Variants in RBM47 observed in about 807,000 individuals in gnomAD.
RBM47 encodes RNA-binding protein 47.
In RBM47, 21 loss-of-function variants were observed where a neutral mutation model predicts 47.1. The ratio of observed to expected loss-of-function variants is 0.45; its 90% CI spans 0.32 to 0.64. The LOEUF is 0.64. Ranked by LOEUF, RBM47 falls within the 30% of genes least tolerant of loss-of-function variation. The pLI is 0.05. For synonymous variants in RBM47, 375 were observed against 361.7 expected (o/e 1.04, Z -0.42); for missense variants, 708 against 870.9 (o/e 0.81, Z 2.35).
intron 2 of RBM47, among the ~76,000 whole-genome samples, chr4:40,474,967 G>C (rs1719400736): frequency 6.6e-6 from 1 of 152,128 alleles, no homozygotes; most frequent in African/African-American, 2.4e-5. Flanking sequence ...TCCACTGCCA[G>C]ACAGAAATGA....
chr4:40,457,981 T>C (rs759428430), intron 3 of RBM47, among the ~76,000 whole-genome samples: 11 of 151,890 alleles, frequency 7.2e-5, no homozygotes, highest in Admixed American at 4.6e-4. Context: ...TAAAACAAAA[T>C]AAAACAAAAT....
At chr4:40,564,050 T>C (rs1273516695) in intron 1 of RBM47, among the ~76,000 whole-genome samples, 1 of 152,142 alleles carries the variant, frequency 6.6e-6, no homozygotes, top group Non-Finnish European at 1.5e-5. Flanking sequence ...TCTCTATTCA[T>C]ATAATGTAAA....
chr4:40,484,986 AT>A (rs1165924531), intron 2 of RBM47, among the ~76,000 whole-genome samples: 3 of 151,378 alleles, frequency 2.0e-5, no homozygotes, highest in African/African-American at 7.4e-5. Context: ...AAAGTTTAAG[AT>A]TGTCTCTTTT....
At chr4:40,504,491 C>T (rs1284993028) in intron 2 of RBM47, among the ~76,000 whole-genome samples, 3 of 152,060 alleles carry the variant, frequency 2.0e-5, no homozygotes, top group Non-Finnish European at 4.4e-5. Context: ...CGGGGTTTCA[C>T]CATGCTGGCC....
intron 1 of RBM47, among the ~76,000 whole-genome samples, chr4:40,545,048 CTTT>C (rs532170715): frequency 0.19 from 21,395 of 113,636 alleles, 2,088 homozygotes; most frequent in East Asian, 0.29. Context: ...GAGTGAGATC[CTTT>C]TTTTTTTTTT....
At chr4:40,588,813 A>AG (rs926066668) in intron 1 of RBM47, among the ~76,000 whole-genome samples, 1 of 152,020 alleles carries the variant, frequency 6.6e-6, no homozygotes, top group Non-Finnish European at 1.5e-5. Flanking sequence ...AGGAGCAACA[A>AG]GGAGAGACAT....
chr4:40,509,029 C>G (rs546674740), intron 2 of RBM47, among the ~76,000 whole-genome samples: 1 of 151,862 alleles, frequency 6.6e-6, no homozygotes, highest in Non-Finnish European at 1.5e-5. Flanking sequence ...GGTGTGGTGG[C>G]GCGTGCCTGT....
In RBM47 at chr4:40,424,952, C is replaced by A. The variant is rs888844465; in HGVS notation, c.*952G>T. ...TTACTCTGCTACTGAAAATAGCACA[C>A]GTAGAAGACAATACTTCCCCAACCA... On this transcript the variant is annotated 3_prime_UTR_variant, in exon 7 of 7. Transcript: ENST00000295971. The A allele has an allele frequency of 6.6e-6, 1 of 150,732 alleles. No homozygotes were observed. The highest frequency in any genetic ancestry group is 1.5e-5 in the Non-Finnish European group (1 of 67,878). 9.3% of individuals were successfully genotyped at this position (150,732 alleles called of 1,614,324 possible).
At chr4:40,516,940 C>A (rs1220380900) in intron 2 of RBM47, among the ~76,000 whole-genome samples, 3 of 152,164 alleles carry the variant, frequency 2.0e-5, no homozygotes, top group Non-Finnish European at 4.4e-5. Flanking sequence ...TTGTCCCTTG[C>A]GTGCCCTTCT....
intron 2 of RBM47, chr4:40,475,573 G>A (rs927797880): frequency 1.3e-5 from 2 of 152,080 alleles, no homozygotes; most frequent in African/African-American, 2.4e-5. Flanking sequence ...TTTTGGGGGG[G>A]TCTTCAATTA....
Position 40,438,404 on chromosome 4 carries a change from G to A in RBM47, c.490C>T (p.Arg164Cys). 6.2e-7 allele frequency: 1 copy of A among 1,613,078 alleles called. No homozygotes were observed. Among genetic ancestry groups the A allele is most frequent in the Non-Finnish European group, 8.5e-7 (1 of 1,179,966 alleles). ...GCAATCTCCTCCAGGATTTCCTCGC[G>A]CTTCTTCATCTTGGGGATCCCGCCG... ...FIGGIPKMKK[R>C]EEILEEIAKV... The change falls in exon 4 of 7, where the codon CGC (arginine) becomes TGC (cysteine). Residue 164 changes from arginine (R) to cysteine (C), a missense_variant. Transcript: ENST00000295971.
At chr4:40,593,161 ATTT>A (rs35067384) in intron 1 of RBM47, among the ~76,000 whole-genome samples, 3 of 142,898 alleles carry the variant, frequency 2.1e-5, no homozygotes, top group Non-Finnish European at 4.6e-5. Flanking sequence ...CGCCAGGCTA[ATTT>A]TTTTTTTGTA....
chr4:40,470,764 G>A (rs1718736766), intron 2 of RBM47, among the ~76,000 whole-genome samples: 1 of 151,870 alleles, frequency 6.6e-6, no homozygotes, highest in South Asian at 2.1e-4. Flanking sequence ...TTTTTAAGAG[G>A]CAGAGTCTCG....
intron 1 of RBM47, among the ~76,000 whole-genome samples, chr4:40,550,094 A>G (rs1729421312): frequency 6.6e-6 from 1 of 152,180 alleles, no homozygotes; most frequent in Non-Finnish European, 1.5e-5. Flanking sequence ...CACAGCCACA[A>G]AGGGTCAAAC....
At chr4:40,540,222 T>C (rs775326382) in intron 2 of RBM47, among the ~76,000 whole-genome samples, 2 of 152,156 alleles carry the variant, frequency 1.3e-5, no homozygotes, top group Non-Finnish European at 2.9e-5. Flanking sequence ...TTACATGGTA[T>C]GTCTCAAAAC....
At chr4:40,508,053 C>G (rs895662503) in intron 2 of RBM47, among the ~76,000 whole-genome samples, 2 of 152,086 alleles carry the variant, frequency 1.3e-5, no homozygotes, top group African/African-American at 4.8e-5. Context: ...GCAACAAGAG[C>G]GAAATCCCAT....
In RBM47 at chr4:40,438,539, A is replaced by C. The variant is rs201369574; in HGVS notation, c.355T>G (p.Cys119Gly). The change falls in exon 4 of 7, where the codon TGC becomes GGC. Residue 119 changes from cysteine (C) to glycine (G), a missense_variant. Physicochemically the swap from Cys to Gly is radical, Grantham distance 159. Coordinates refer to ENST00000295971, the MANE Select transcript of RBM47 (RefSeq NM_001098634.2). ...KNRGYAFVMYCHKHEAKRAVR... is the reference protein window; with the variant it reads ...KNRGYAFVMYGHKHEAKRAVR... ...GCGCGCTTGGCCTCGTGCTTGTGGC[A>C]GTACATGACGAAGGCGTAGCCGCGG... 5.2e-5 allele frequency: 84 copies of C among 1,613,572 alleles called. No individual in the cohort carries two copies. The highest frequency in any genetic ancestry group is 6.9e-5 in the Non-Finnish European group (81 of 1,179,880).
Position 40,504,830 on chromosome 4 carries a change from T to C in RBM47, c.-154-38131A>G, listed in dbSNP as rs529279943. On this transcript the variant is annotated intron_variant, in intron 2 of 6. Coordinates refer to ENST00000295971, the MANE Select transcript of RBM47 (RefSeq NM_001098634.2). The stretch of plus-strand genomic sequence containing the variant: ...CTATTCACATTCCTTATTTTGGTCA[T>C]GGTTTTTGTAGGGCCTAGATATAAG... Among the ~76,000 whole-genome samples the C allele has an allele frequency of 3.3e-5, 5 of 152,354 alleles. No homozygotes were observed. The South Asian group carries it at 8.3e-4, about 25-fold the overall frequency.
At chr4:40,477,759 C>T (rs1719826330) in intron 2 of RBM47, among the ~76,000 whole-genome samples, 1 of 152,088 alleles carries the variant, frequency 6.6e-6, no homozygotes, top group South Asian at 2.1e-4. Flanking sequence ...ACAACAATTA[C>T]AATTATGGGC....
Sources: allele counts gnomAD v4.1 joint callset (sites outside exome capture counted in the v4.1 genomes callset), GRCh38; gene constraint gnomAD v4.1.1; transcripts MANE v1.5; gene names NCBI Gene and HGNC (gene_info 2026-07-23, HGNC 2026-07-21).